CD44: variants seen among roughly 807,000 people sequenced by gnomAD.
CD44 encodes the protein CD44 antigen.
Under a neutral mutation model 88.8 loss-of-function variants are expected in CD44, and 49 were observed. That is an observed-to-expected ratio of 0.55 (90% CI 0.44 to 0.70). CD44 has a LOEUF of 0.70. Ranked by LOEUF, CD44 falls within the 30% of genes least tolerant of loss-of-function variation. CD44 has a pLI of 0.00. For synonymous variants in CD44, 325 were observed against 312.3 expected, an observed-to-expected ratio of 1.04 and a Z score of -0.43; for missense variants, 883 against 913.8, an observed-to-expected ratio of 0.97 and a Z score of 0.43.
At chr11:35,207,518 C>T (rs915151704) in intron 11 of CD44, among the ~76,000 whole-genome samples, 1 of 152,232 alleles carries the variant, frequency 6.6e-6, no homozygotes, top group Admixed American at 6.5e-5. Flanking sequence ...ATTTTAAAGA[C>T]CGCTTATACT....
intron 1 of CD44, among the ~76,000 whole-genome samples, chr11:35,147,116 C>T (rs1403316274): frequency 6.6e-6 from 1 of 152,172 alleles, no homozygotes; most frequent in African/African-American, 2.4e-5. Context: ...TTCATTATCA[C>T]TTCATTATTT....
chr11:35,162,685 T>C (rs1469000188), intron 1 of CD44, among the ~76,000 whole-genome samples: 1 of 152,176 alleles, frequency 6.6e-6, no homozygotes, highest in East Asian at 1.9e-4. Flanking sequence ...CAGTTGGAAC[T>C]GTAGTAATCC....
At chr11:35,212,564 G>A (rs553192569) in intron 14 of CD44, 3 of 151,972 alleles carry the variant, frequency 2.0e-5, no homozygotes, top group Non-Finnish European at 4.4e-5. Context: ...GTGATGCAGG[G>A]ACAGAAAATT....
At chr11:35,157,062 GTCTAC>G (rs372849901) in intron 1 of CD44, among the ~76,000 whole-genome samples, 208 of 152,268 alleles carry the variant, frequency 1.4e-3, no homozygotes, top group African/African-American at 4.8e-3. Flanking sequence ...GAAATAGCCT[GTCTAC>G]TCTATTGGTC....
At chr11:35,152,513 A>G (rs1860521591) in intron 1 of CD44, among the ~76,000 whole-genome samples, 1 of 152,370 alleles carries the variant, frequency 6.6e-6, no homozygotes, top group African/African-American at 2.4e-5. Flanking sequence ...ATTTGGGGAT[A>G]ATAATCCCTC....
intron 17 of CD44, chr11:35,223,235 G>A (rs1039992785): frequency 2.0e-6 from 2 of 985,150 alleles, no homozygotes; most frequent in Non-Finnish European, 2.4e-6. Context: ...TGACTTGGGG[G>A]AGCCTTTACA....
In CD44 at chr11:35,229,626, A is replaced by G. The variant is rs563304886; in HGVS notation, c.*293A>G. The G allele has an allele frequency of 8.1e-6, 3 of 371,756 alleles. No individual in the cohort carries two copies. The highest frequency in any genetic ancestry group is 2.1e-5 in the African/African-American group (1 of 48,780). The allele number at this position is 371,756 out of a possible 1,614,324, so 23.0% of individuals were successfully genotyped here. On this transcript the variant is annotated 3_prime_UTR_variant, in exon 18 of 18. Coordinates refer to ENST00000428726, the MANE Select transcript of CD44 (RefSeq NM_000610.4). ...CTCGGGTGTGCTATGGATGGCTTCT[A>G]ACAAAAACTACACATATGTATTCCT...
chr11:35,174,998 G>C (rs182115626), intron 1 of CD44, among the ~76,000 whole-genome samples: 2 of 152,198 alleles, frequency 1.3e-5, no homozygotes, highest in African/African-American at 4.8e-5. Context: ...TGAGTTGAGG[G>C]AGAGACTGGG....
intron 15 of CD44, chr11:35,219,069 T>C: frequency 4.1e-6 from 2 of 492,986 alleles, no homozygotes; most frequent in African/African-American, 1.9e-5. Context: ...TCCTGAACAC[T>C]GTGCAACACT....
chr11:35,152,546 C>A (rs563508616), intron 1 of CD44, among the ~76,000 whole-genome samples: 11 of 152,348 alleles, frequency 7.2e-5, no homozygotes, highest in Non-Finnish European at 1.3e-4. Flanking sequence ...ACCTCTCCAC[C>A]TTTGCCTGCT....
intron 11 of CD44, among the ~76,000 whole-genome samples, chr11:35,207,007 C>G (rs1947931761): frequency 6.6e-6 from 1 of 152,230 alleles, no homozygotes; most frequent in South Asian, 2.1e-4. Context: ...TTGGCTTCAA[C>G]TACACAATGG....
chr11:35,229,251 A>C lies in CD44; in HGVS notation c.2147A>C (p.Glu716Ala), dbSNP rs1328110212. 1 of 1,614,068 alleles carries C rather than the reference A, an allele frequency of 6.2e-7. No homozygotes were observed. Among genetic ancestry groups the C allele is most frequent in the East Asian group, 2.2e-5 (1 of 44,884 alleles). ...GAAATGGTGCATTTGGTGAACAAGG[A>C]GTCGTCAGAAACTCCAGACCAGTTT... ...SQEMVHLVNK[E>A]SSETPDQFMT... Residue 716 changes from glutamate to alanine, a missense_variant, in exon 18 of 18, where the codon GAG (glutamate) becomes GCG (alanine). By Grantham distance (107) the Glu-to-Ala change is moderately radical. Transcript: ENST00000428726.
At chr11:35,152,470 A>T (rs867331750) in intron 1 of CD44, among the ~76,000 whole-genome samples, 1 of 152,340 alleles carries the variant, frequency 6.6e-6, no homozygotes, top group South Asian at 2.1e-4. Context: ...TATTGGCTTT[A>T]TCTGTCTAAT....
chr11:35,186,873 A>G lies in CD44; in HGVS notation c.409A>G (p.Asn137Asp), dbSNP rs1167799592. 6.2e-7 allele frequency: 1 copy of G among 1,607,462 alleles called. No individual in the cohort carries two copies. Among genetic ancestry groups the G allele is most frequent in the Non-Finnish European group, 8.5e-7 (1 of 1,174,116 alleles). The part of the protein sequence containing the change: ...EDCTSVTDLP[N>D]AFDGPITITI... ...TTGTACATCAGTCACAGACCTGCCCAATGCCTTTGATGGACCAATTACCAT... is the reference window on the plus strand; with the variant it reads ...TTGTACATCAGTCACAGACCTGCCCGATGCCTTTGATGGACCAATTACCAT... Residue 137 changes from asparagine (N) to aspartate (D), a missense_variant, in exon 4 of 18, where the codon AAT (asparagine) becomes GAT (aspartate). Physicochemically the swap from Asn to Asp is conservative, Grantham distance 23 (BLOSUM62 1). Transcript: ENST00000428726.
chr11:35,154,774 A>G (rs1244700103), intron 1 of CD44, among the ~76,000 whole-genome samples: 2 of 152,186 alleles, frequency 1.3e-5, no homozygotes, highest in Non-Finnish European at 2.9e-5. Flanking sequence ...TCTGTTGTGT[A>G]TATTTTGGTA....
intron 14 of CD44, among the ~76,000 whole-genome samples, chr11:35,213,165 C>T (rs1259071756): frequency 6.6e-6 from 1 of 152,106 alleles, no homozygotes; most frequent in Admixed American, 6.5e-5. Flanking sequence ...AGTCACAGTA[C>T]CCTAGAATGC....
Position 35,208,096 on chromosome 11 carries a change from T to C in CD44, c.1415-9T>C, listed in dbSNP as rs748429553. On this transcript the variant is annotated splice_polypyrimidine_tract_variant and intron_variant, in intron 11 of 17. Transcript: ENST00000428726. ...AATCAAGCAATAACACTAATATTGA[T>C]TCCTTCAGATATGGACTCCAGTCAT... 4 of 1,519,706 alleles carry C rather than the reference T, an allele frequency of 2.6e-6. No individual in the cohort carries two copies. The African/African-American group carries it at 5.5e-5, about 21-fold the overall frequency. 94.1% of individuals were successfully genotyped at this position (1,519,706 alleles called of 1,614,324 possible). A position where few individuals can be genotyped will look rare whatever the true frequency, so the allele number is the denominator to read the frequency against.
chr11:35,180,140 G>T, intron 2 of CD44, 134 bp from the exon 3 acceptor site: 12 of 761,240 alleles, frequency 1.6e-5, no homozygotes, highest in Non-Finnish European at 2.6e-5. Context: ...AAATAACTCG[G>T]TTGTTGAAAC....
intron 17 of CD44, among the ~76,000 whole-genome samples, chr11:35,225,606 C>A (rs546821832): frequency 6.6e-6 from 1 of 152,106 alleles, no homozygotes; most frequent in Non-Finnish European, 1.5e-5. Context: ...CATTTGAGGT[C>A]AGGAGTTTGA....
Sources: allele counts gnomAD v4.1 joint callset (sites outside exome capture counted in the v4.1 genomes callset), GRCh38; gene constraint gnomAD v4.1.1; transcripts MANE v1.5; gene names NCBI Gene and HGNC (gene_info 2026-07-23, HGNC 2026-07-21).